The following RALYL variants were observed in gnomAD, a reference collection of about 807,000 sequenced individuals.
The protein encoded by RALYL is RALY RNA binding protein like, also known as RNA-binding Raly-like protein.
RALYL carries 29 observed loss-of-function variants against 35.1 expected under a neutral mutation model. The ratio of observed to expected loss-of-function variants is 0.83; its 90% confidence interval spans 0.61 to 1.13. The LOEUF (loss-of-function observed/expected upper bound fraction) is 1.13, where lower values mean the gene tolerates loss of function less well. Among genes scored for constraint, RALYL ranks in the 50% most tolerant of loss-of-function variants. The probability of loss-of-function intolerance (pLI) is 0.00; values close to 1 mark genes in which losing one functional copy is unlikely to be tolerated. For synonymous variants in RALYL, 120 were observed against 127.6 expected, an observed-to-expected ratio of 0.94 and a Z score of 0.40; for missense variants, 359 against 360.4, an observed-to-expected ratio of 1.00 and a Z score of 0.03.
intron 2 of RALYL, among the ~76,000 whole-genome samples, chr8:84,622,535 A>G (rs1436119816): frequency 2.0e-5 from 3 of 152,182 alleles, no homozygotes; most frequent in Non-Finnish European, 4.4e-5. Context: ...TGTGGGGAAA[A>G]GAGGGATGTC....
chr8:84,223,622 T>C (rs1823076153), intron 1 of RALYL, among the ~76,000 whole-genome samples: 1 of 152,302 alleles, frequency 6.6e-6, no homozygotes, highest in African/African-American at 2.4e-5. Context: ...CTCTAGTAGC[T>C]CTCAGAACAG....
At chr8:84,291,772 G>T (rs1018946508) in intron 1 of RALYL, among the ~76,000 whole-genome samples, 5 of 151,672 alleles carry the variant, frequency 3.3e-5, no homozygotes, top group Admixed American at 6.6e-5. Context: ...CAATAAAATG[G>T]CATTACGTTC....
intron 2 of RALYL, among the ~76,000 whole-genome samples, chr8:84,567,999 T>C (rs2135718328): frequency 6.6e-6 from 1 of 151,936 alleles, no homozygotes; most frequent in South Asian, 2.1e-4. Flanking sequence ...GCTGCTTGTG[T>C]GTTTTCTTTT....
rs1373066178 is a variant in RALYL, at chr8:84,913,027, GATGGA to G, written c.859-7866_859-7862del. Among the ~76,000 whole-genome samples the G allele has an allele frequency of 3.7e-3, 445 of 120,378 alleles. 2 individuals carry two copies. Among genetic ancestry groups the G allele is most frequent in the African/African-American group, 0.013 (392 of 29,882 alleles). The allele number at this position is 120,378 out of a possible 152,430, so 79.0% of individuals were successfully genotyped here. ...GGATGGATGGATGGATGGATGGATG[GATGGA>G]TAGGTAGGTAGATAGATAGATAGAT... is the stretch of plus-strand genomic sequence containing the variant. On this transcript the variant is annotated intron_variant, in intron 8 of 8. Coordinates refer to ENST00000521268, the MANE Select transcript of RALYL (RefSeq NM_173848.7).
chr8:84,737,724 T>G (rs1271923827), intron 2 of RALYL, among the ~76,000 whole-genome samples: 1 of 150,752 alleles, frequency 6.6e-6, no homozygotes, highest in Non-Finnish European at 1.5e-5. Context: ...ATTGGGGAGG[T>G]GATTAGTGTA....
At chr8:84,896,637 A>G (rs1474160299) in intron 8 of RALYL, among the ~76,000 whole-genome samples, 2 of 152,114 alleles carry the variant, frequency 1.3e-5, no homozygotes, top group Non-Finnish European at 2.9e-5. Context: ...TGTAGTTTCC[A>G]GGCACACACT....
intron 2 of RALYL, among the ~76,000 whole-genome samples, chr8:84,691,007 G>T (rs1380359727): frequency 3.3e-5 from 5 of 152,052 alleles, no homozygotes; most frequent in African/African-American, 1.2e-4. Context: ...TTGTAAGACT[G>T]ATTTTTGAGG....
intron 1 of RALYL, among the ~76,000 whole-genome samples, chr8:84,469,994 C>T (rs889490778): frequency 1.3e-4 from 20 of 152,302 alleles, no homozygotes; most frequent in East Asian, 5.8e-4. Context: ...CGCCCTGCTT[C>T]GGCTCGCGCA....
intron 1 of RALYL, among the ~76,000 whole-genome samples, chr8:84,227,753 A>C (rs1297938515): frequency 1.3e-5 from 2 of 152,198 alleles, no homozygotes; most frequent in African/African-American, 2.4e-5. Context: ...TTATGATTAC[A>C]GTAGTTATGG....
intron 2 of RALYL, among the ~76,000 whole-genome samples, chr8:84,605,374 A>G (rs1816882899): frequency 6.6e-6 from 1 of 152,128 alleles, no homozygotes. Context: ...CACAAAAACC[A>G]ACATTTGCTC....
intron 2 of RALYL, among the ~76,000 whole-genome samples, chr8:84,621,347 C>G (rs1340760541): frequency 6.6e-6 from 1 of 152,124 alleles, no homozygotes; most frequent in Non-Finnish European, 1.5e-5. Flanking sequence ...CGGGTGGGAG[C>G]CACCCAATTT....
chr8:84,205,958 C>G (rs1175812958), intron 1 of RALYL, among the ~76,000 whole-genome samples: 1 of 152,152 alleles, frequency 6.6e-6, no homozygotes, highest in Non-Finnish European at 1.5e-5. Flanking sequence ...TGTGTCCTCA[C>G]TTGGCCTTTC....
chr8:84,585,924 C>T (rs979190988), intron 2 of RALYL, among the ~76,000 whole-genome samples: 1 of 151,948 alleles, frequency 6.6e-6, no homozygotes, highest in African/African-American at 2.4e-5. Context: ...TGGCCAGGTG[C>T]GGTGGCTCAT....
chr8:84,767,427 TC>T, intron 2 of RALYL, among the ~76,000 whole-genome samples: 1 of 152,346 alleles, frequency 6.6e-6, no homozygotes, highest in Non-Finnish European at 1.5e-5. Flanking sequence ...AGGATATTTT[TC>T]AATTGTTTGA....
chr8:84,297,054 TACA>T (rs111898718), intron 1 of RALYL, among the ~76,000 whole-genome samples: 4,090 of 150,586 alleles, frequency 0.027, 100 homozygotes, highest in Non-Finnish European at 0.031. Flanking sequence ...TTTCTTCATT[TACA>T]AAAAAAAAAA....
chr8:84,523,759 T>C (rs1472315940), intron 1 of RALYL, among the ~76,000 whole-genome samples: 2 of 149,548 alleles, frequency 1.3e-5, no homozygotes, highest in Admixed American at 1.4e-4. Flanking sequence ...AGTTAGAATA[T>C]GCGGTGTTTG....
Position 84,655,026 on chromosome 8 carries a change from A to T in RALYL, c.257-119553A>T, listed in dbSNP as rs79653799. ...TTGGGGAACCTCCAAACTGTTCTTC[A>T]TAGTGGATTGTTCTAATTTATATTC... is the stretch of plus-strand genomic sequence containing the variant. On this transcript the variant is annotated intron_variant, in intron 2 of 8. Transcript: ENST00000521268. Among the ~76,000 whole-genome samples, 1,499 of 152,186 alleles carry T rather than the reference A, an allele frequency of 9.8e-3. 25 individuals are homozygous for T. The highest frequency in any genetic ancestry group is 0.033 in the African/African-American group (1,386 of 41,520).
At chr8:84,204,448 A>G (rs1303822423) in intron 1 of RALYL, among the ~76,000 whole-genome samples, 4 of 152,212 alleles carry the variant, frequency 2.6e-5, no homozygotes, top group South Asian at 4.1e-4. Context: ...TTCATGTTGA[A>G]TGGAAACAAA....
chr8:84,915,912 A>G (rs140061285), intron 8 of RALYL, among the ~76,000 whole-genome samples: 6 of 152,270 alleles, frequency 3.9e-5, no homozygotes, highest in African/African-American at 1.4e-4. Flanking sequence ...TGTTAAAACT[A>G]TTACTGCACT....
Sources: allele counts gnomAD v4.1 joint callset (sites outside exome capture counted in the v4.1 genomes callset), GRCh38; gene constraint gnomAD v4.1.1; transcripts MANE v1.5; gene names NCBI Gene and HGNC (gene_info 2026-07-23, HGNC 2026-07-21).